The following IL7 variants were observed in gnomAD, a reference collection of about 807,000 sequenced individuals.
IL7 encodes interleukin-7.
IL7 carries 3 observed loss-of-function variants against 21.6 expected under a neutral mutation model. The ratio of observed to expected loss-of-function variants is 0.14; its 90% CI spans 0.06 to 0.36. IL7 has a LOEUF of 0.36. Among genes scored for constraint, IL7 ranks in the 10% least tolerant of loss-of-function variants. The pLI is 1.00. For synonymous variants in IL7, 62 were observed against 68.1 expected (o/e 0.91, Z 0.44); for missense variants, 175 against 200.2 (o/e 0.87, Z 0.76).
intron 3 of IL7, among the ~76,000 whole-genome samples, chr8:78,708,788 CT>C (rs1810866248): frequency 6.7e-6 from 1 of 149,798 alleles, no homozygotes; most frequent in Admixed American, 6.7e-5. Context: ...TCAAGTGATT[CT>C]GCTGCCTCAG....
At chr8:78,779,169 T>C (rs1295788031) in intron 2 of IL7, among the ~76,000 whole-genome samples, 1 of 152,206 alleles carries the variant, frequency 6.6e-6, no homozygotes, top group Non-Finnish European at 1.5e-5. Context: ...TTTCTAGATA[T>C]AAAATCACAT....
chr8:78,782,069 C>T (rs1813350858), intron 2 of IL7, among the ~76,000 whole-genome samples: 1 of 152,128 alleles, frequency 6.6e-6, no homozygotes, highest in Non-Finnish European at 1.5e-5. Flanking sequence ...TCCATCAGGT[C>T]ATTTATGTTT....
intron 2 of IL7, among the ~76,000 whole-genome samples, chr8:78,786,814 C>A (rs112136215): frequency 6.6e-6 from 1 of 152,122 alleles, no homozygotes; most frequent in Non-Finnish European, 1.5e-5. Flanking sequence ...CCCTAGGCAG[C>A]CCCCAGCTCC....
chr8:78,753,738 GT>G (rs1351350743), intron 2 of IL7, among the ~76,000 whole-genome samples: 1 of 152,082 alleles, frequency 6.6e-6, no homozygotes, highest in Non-Finnish European at 1.5e-5. Flanking sequence ...TCCATCTTGA[GT>G]TAATTTTTGT....
intron 3 of IL7, among the ~76,000 whole-genome samples, chr8:78,695,900 G>A (rs1184343306): frequency 6.6e-6 from 1 of 152,134 alleles, no homozygotes; most frequent in Non-Finnish European, 1.5e-5. Context: ...CACATACAGA[G>A]TTAGAAGGAT....
At chr8:78,743,346 A>G (rs1228314670) in intron 2 of IL7, among the ~76,000 whole-genome samples, 1 of 152,154 alleles carries the variant, frequency 6.6e-6, no homozygotes, top group Non-Finnish European at 1.5e-5. Flanking sequence ...ACTGATTTAC[A>G]TTCCCACCAA....
intron 3 of IL7, chr8:78,723,805 A>G: frequency 4.3e-6 from 1 of 230,004 alleles, no homozygotes; most frequent in Non-Finnish European, 9.9e-6. Flanking sequence ...ATCAGTCATC[A>G]GGTTTCAAAG....
intron 2 of IL7, chr8:78,746,747 G>A (rs537354337): frequency 2.3e-4 from 69 of 297,668 alleles, no homozygotes; most frequent in Non-Finnish European, 3.2e-4. Context: ...GCATATTACT[G>A]TATGCCTTTC....
At chr8:78,797,026 T>C (rs1813874878) in intron 2 of IL7, among the ~76,000 whole-genome samples, 2 of 151,934 alleles carry the variant, frequency 1.3e-5, no homozygotes, top group South Asian at 4.1e-4. Context: ...AGTGAAAAAA[T>C]AAACAAGTTG....
rs890549473 is a variant in IL7, at chr8:78,760,128, T to A, written c.148-20046A>T. ...CAAATATCAAATATAAGAAAGCCTGTTTTTAAAAGTCTCTTAGGTATTTTC... is the reference window on the plus strand; with the variant it reads ...CAAATATCAAATATAAGAAAGCCTGATTTTAAAAGTCTCTTAGGTATTTTC... On this transcript the variant is annotated intron_variant, in intron 2 of 5. Coordinates refer to ENST00000263851, the MANE Select transcript of IL7 (RefSeq NM_000880.4). 5.3e-6 allele frequency: 8 copies of A among 1,504,992 alleles called. No individual in the cohort carries two copies. In the African/African-American group the frequency reaches 1.1e-4, roughly 21 times the overall value. The allele number at this position is 1,504,992 out of a possible 1,614,324, so 93.2% of individuals were successfully genotyped here.
At chr8:78,764,625 A>G (rs1439404708) in intron 2 of IL7, among the ~76,000 whole-genome samples, 1 of 152,110 alleles carries the variant, frequency 6.6e-6, no homozygotes, top group Non-Finnish European at 1.5e-5. Context: ...TCTAAAAAAA[A>G]ATGTCCAAAA....
rs1811673135 is a variant in IL7, at chr8:78,738,600, C to T, written c.264G>A (p.Leu88=). ...GMFLFRAARK[L]RQFLKMNSTG... is the part of the protein sequence containing the mutation. ...TGCTATTCATTTTAAGAAATTGCCT[C>T]AACTTGCGAGCAGCACGGAATAAAA... Residue 88 remains leucine, a synonymous_variant, in exon 4 of 6, where the codon TTG becomes TTA. Transcript: ENST00000263851. 2 of 1,613,700 alleles carry T rather than the reference C, an allele frequency of 1.2e-6. No homozygotes were observed. Among genetic ancestry groups the T allele is most frequent in the African/African-American group, 2.7e-5 (2 of 74,898 alleles).
At chr8:78,711,476 T>C (rs1810947907) in intron 3 of IL7, among the ~76,000 whole-genome samples, 1 of 152,088 alleles carries the variant, frequency 6.6e-6, no homozygotes, top group Non-Finnish European at 1.5e-5. Flanking sequence ...TTTGGATACA[T>C]TTCAGAAATA....
intron 5 of IL7, 146 bp from the exon 6 acceptor site, chr8:78,733,978 T>C (rs560796052): frequency 1.2e-4 from 65 of 558,940 alleles, no homozygotes; most frequent in Non-Finnish European, 1.5e-4. Flanking sequence ...AAGACGATGA[T>C]TTCTAACTAT....
chr8:78,769,679 A>C (rs1193932548), intron 2 of IL7, among the ~76,000 whole-genome samples: 13 of 152,188 alleles, frequency 8.5e-5, no homozygotes, highest in Non-Finnish European at 7.3e-5. Context: ...AATTGGAAAA[A>C]ACTACTTTTA....
chr8:78,792,831 G>A (rs562156549), intron 2 of IL7, among the ~76,000 whole-genome samples: 2 of 152,186 alleles, frequency 1.3e-5, no homozygotes, highest in African/African-American at 4.8e-5. Flanking sequence ...TGATAGAAAC[G>A]CAAATGGTGC....
chr8:78,700,555 G>A (rs1191829005), intron 3 of IL7, among the ~76,000 whole-genome samples: 1 of 152,026 alleles, frequency 6.6e-6, no homozygotes. Context: ...ATTGCTTTTG[G>A]CATCTTCATT....
chr8:78,715,312 G>A, downstream of IL7: 1 of 1,613,158 alleles, frequency 6.2e-7, no homozygotes, highest in Non-Finnish European at 8.5e-7. Flanking sequence ...AACATATACT[G>A]AGAGCTACAT....
chr8:78,732,401 G>T (rs957468273), downstream of IL7, among the ~76,000 whole-genome samples: 13 of 152,110 alleles, frequency 8.5e-5, no homozygotes, highest in East Asian at 2.5e-3. Context: ...CACACACTGA[G>T]GGTGTCACCA....
Sources: gnomAD v4.1 joint callset for allele counts (sites outside exome capture counted in the v4.1 genomes callset) on GRCh38, gnomAD v4.1.1 for gene constraint, MANE v1.5 for transcripts, NCBI Gene and HGNC (gene_info 2026-07-23, HGNC 2026-07-21) for gene names.